The following SRD5A1 variants were observed in gnomAD, a reference collection of about 807,000 sequenced individuals.
The protein encoded by SRD5A1 is steroid 5 alpha-reductase 1.
SRD5A1 carries 22 observed loss-of-function variants against 28.2 expected under a neutral mutation model. The ratio of observed to expected loss-of-function variants is 0.78; its 90% CI spans 0.56 to 1.12. SRD5A1 has a LOEUF of 1.12. SRD5A1 is among the 50% of genes most tolerant of loss of function. The pLI, the probability that SRD5A1 is intolerant of heterozygous loss-of-function variation, is 0.00. For synonymous variants in SRD5A1, 151 were observed against 135.0 expected (o/e 1.12, Z -0.82); for missense variants, 300 against 346.7 (o/e 0.87, Z 1.07).
intron 3 of SRD5A1, among the ~76,000 whole-genome samples, chr5:6,657,759 C>T (rs1008242616): frequency 3.3e-5 from 5 of 152,186 alleles, no homozygotes; most frequent in South Asian, 2.1e-4. Context: ...GAAAGGCCTG[C>T]GGTGCCTTAT....
rs564849643 is a variant in SRD5A1, at chr5:6,659,393, G to A, written c.562+3214G>A. Among the ~76,000 whole-genome samples, 10 of 152,252 alleles carry A rather than the reference G, an allele frequency of 6.6e-5. No individual in the cohort carries two copies. The South Asian group carries it at 1.9e-3, about 28-fold the overall frequency. The stretch of plus-strand genomic sequence containing the variant: ...CTCCCAAAGTGCTGGGATTACAGGC[G>A]TGAGCCACCGTGCCCGGCCAAAAAA... On this transcript the variant is annotated intron_variant, in intron 3 of 4. Coordinates refer to ENST00000274192, the MANE Select transcript of SRD5A1 (RefSeq NM_001047.4).
At chr5:6,649,632 G>A (rs1306764623) in intron 1 of SRD5A1, among the ~76,000 whole-genome samples, 1 of 152,246 alleles carries the variant, frequency 6.6e-6, no homozygotes, top group Non-Finnish European at 1.5e-5. Context: ...GTCTGGGCCA[G>A]AATGCACCGT....
intron 3 of SRD5A1, among the ~76,000 whole-genome samples, chr5:6,656,431 T>G (rs1454914410): frequency 2.0e-5 from 3 of 152,194 alleles, no homozygotes; most frequent in African/African-American, 7.2e-5. Flanking sequence ...GAAGAGAGGA[T>G]GAGGAAGAAT....
chr5:6,674,276 G>A lies in SRD5A1; in HGVS notation c.*6008G>A, dbSNP rs934212540. 3.3e-5 allele frequency: 5 copies of A among 152,018 alleles called. No individual in the cohort carries two copies. Among genetic ancestry groups the A allele is most frequent in the South Asian group, 2.1e-4 (1 of 4,818 alleles). The allele number at this position is 152,018 out of a possible 1,614,324, so 9.4% of individuals were successfully genotyped here. ...ATGCAAGATGTTAATAGGGGAAATC[G>A]TGTTGGAGAGAGAGATATGTGAGAA... On this transcript the variant is annotated 3_prime_UTR_variant, in exon 5 of 5. Transcript: ENST00000274192.
At chr5:6,649,752 C>T (rs750665116) in intron 1 of SRD5A1, among the ~76,000 whole-genome samples, 20 of 152,286 alleles carry the variant, frequency 1.3e-4, no homozygotes, top group South Asian at 4.1e-4. Flanking sequence ...GCTCGCCCTC[C>T]GTGGGCTGCA....
chr5:6,668,337 T>C lies in SRD5A1; in HGVS notation c.*69T>C. On this transcript the variant is annotated 3_prime_UTR_variant, in exon 5 of 5. Transcript: ENST00000274192. Reference sequence around the variant, plus strand: ...GGCGCTTCTCTATGGACTTTGTAAATAAGTTATATCTTTGTAATTTTCCTG... The same window carrying C: ...GGCGCTTCTCTATGGACTTTGTAAACAAGTTATATCTTTGTAATTTTCCTG... 1 of 956,698 alleles carries C rather than the reference T, an allele frequency of 1.0e-6. No individual in the cohort carries two copies. The highest frequency in any genetic ancestry group is 1.6e-6 in the Non-Finnish European group (1 of 629,544). The allele number at this position is 956,698 out of a possible 1,614,324, so 59.3% of individuals were successfully genotyped here.
At chr5:6,661,636 G>A (rs1041317167) in intron 3 of SRD5A1, among the ~76,000 whole-genome samples, 2 of 149,592 alleles carry the variant, frequency 1.3e-5, no homozygotes, top group African/African-American at 2.5e-5. Context: ...GGGTTCAAGC[G>A]ATTCTCATGC....
intron 3 of SRD5A1, among the ~76,000 whole-genome samples, chr5:6,657,504 A>G (rs1026635300): frequency 6.6e-6 from 1 of 152,366 alleles, no homozygotes; most frequent in Admixed American, 6.5e-5. Context: ...GGGGAACAGC[A>G]TGATTCCAAA....
At chr5:6,645,556 T>C (rs1226195984) in intron 1 of SRD5A1, among the ~76,000 whole-genome samples, 1 of 151,780 alleles carries the variant, frequency 6.6e-6, no homozygotes, top group Non-Finnish European at 1.5e-5. Context: ...GGAGAATCGC[T>C]TCAACCCGGG....
chr5:6,650,229 G>C (rs947671856), intron 1 of SRD5A1, among the ~76,000 whole-genome samples: 4 of 151,956 alleles, frequency 2.6e-5, no homozygotes, highest in Admixed American at 2.6e-4. Context: ...CAGACATAGA[G>C]AGACCCTGTC....
At chr5:6,664,371 TAAG>T (rs1227611594) in intron 4 of SRD5A1, among the ~76,000 whole-genome samples, 2 of 152,278 alleles carry the variant, frequency 1.3e-5, no homozygotes, top group East Asian at 1.9e-4. Flanking sequence ...TTATTGGAGA[TAAG>T]AAGAAGAAAG....
chr5:6,648,122 T>A (rs752576648), intron 1 of SRD5A1, among the ~76,000 whole-genome samples: 3 of 152,244 alleles, frequency 2.0e-5, no homozygotes, highest in Non-Finnish European at 2.9e-5. Flanking sequence ...CTCTTCTGGC[T>A]TGTAGGGTTT....
intron 2 of SRD5A1, among the ~76,000 whole-genome samples, chr5:6,655,492 A>C (rs1057475652): frequency 2.6e-5 from 4 of 152,228 alleles, no homozygotes; most frequent in African/African-American, 9.6e-5. Flanking sequence ...GGACTGACCG[A>C]GCAATGCTGA....
intron 1 of SRD5A1, among the ~76,000 whole-genome samples, chr5:6,649,964 G>A (rs1738623217): frequency 6.6e-6 from 1 of 152,102 alleles, no homozygotes; most frequent in Admixed American, 6.5e-5. Context: ...TAATCTTTGT[G>A]GTTAATCCTC....
chr5:6,659,273 C>T (rs1433861466), intron 3 of SRD5A1, among the ~76,000 whole-genome samples: 1 of 152,044 alleles, frequency 6.6e-6, no homozygotes, highest in Admixed American at 6.5e-5. Flanking sequence ...GCCACCACGC[C>T]TGGCTAATTT....
At chr5:6,659,207 G>A (rs1162530246) in intron 3 of SRD5A1, among the ~76,000 whole-genome samples, 4 of 151,366 alleles carry the variant, frequency 2.6e-5, no homozygotes, top group African/African-American at 7.3e-5. Context: ...TCTGCCTCTC[G>A]GGTTCACGCC....
chr5:6,669,988 A>G lies in SRD5A1; in HGVS notation c.*1720A>G, dbSNP rs1739313643. 3.9e-5 allele frequency: 6 copies of G among 152,586 alleles called. No individual in the cohort carries two copies. The highest frequency in any genetic ancestry group is 2.0e-4 in the Admixed American group (3 of 15,284). The allele number at this position is 152,586 out of a possible 1,614,324, so 9.5% of individuals were successfully genotyped here. On this transcript the variant is annotated 3_prime_UTR_variant, in exon 5 of 5. Coordinates refer to ENST00000274192, the MANE Select transcript of SRD5A1 (RefSeq NM_001047.4). Reference sequence around the variant, plus strand: ...CCTGGGTCCTCACATCTGGGCTGACAGAAGGCAGAGGGAAATGAGCATCTC... The same window carrying G: ...CCTGGGTCCTCACATCTGGGCTGACGGAAGGCAGAGGGAAATGAGCATCTC...
At chr5:6,661,191 A>T (rs1561003898) in intron 3 of SRD5A1, among the ~76,000 whole-genome samples, 2 of 152,184 alleles carry the variant, frequency 1.3e-5, no homozygotes. Context: ...TAAGAAAAAG[A>T]AAAGCACTGT....
intron 3 of SRD5A1, among the ~76,000 whole-genome samples, chr5:6,661,149 T>G (rs1005395064): frequency 6.6e-6 from 1 of 152,142 alleles, no homozygotes; most frequent in South Asian, 2.1e-4. Context: ...AGAGAGTTCA[T>G]TATTGCAAAC....
Sources: gnomAD v4.1 joint callset for allele counts (sites outside exome capture counted in the v4.1 genomes callset) on GRCh38, gnomAD v4.1.1 for gene constraint, MANE v1.5 for transcripts, NCBI Gene and HGNC (gene_info 2026-07-23, HGNC 2026-07-21) for gene names.